Variants in AKT2 observed in about 807,000 individuals in gnomAD.
AKT2 encodes RAC-beta serine/threonine-protein kinase.
Under a neutral mutation model 58.6 loss-of-function variants are expected in AKT2, and 16 were observed. The observed-to-expected ratio is 0.27, with a 90% confidence interval of 0.18 to 0.41. The LOEUF (loss-of-function observed/expected upper bound fraction) is 0.41. AKT2 is among the 10% of genes least tolerant of loss of function. The pLI is 1.00. For missense variants in AKT2, 438 were observed against 661.0 expected, an observed-to-expected ratio of 0.66 and a Z score of 3.70; for synonymous variants, 253 against 254.0, an observed-to-expected ratio of 1.00 and a Z score of 0.04.
At chr19:40,243,980 G>A (rs1974575132) in intron 4 of AKT2, 1 of 151,596 alleles carries the variant, frequency 6.6e-6, no homozygotes, top group Admixed American at 6.6e-5. Flanking sequence ...GGAGGCGGAG[G>A]TTGCAGTGAG....
intron 1 of AKT2, chr19:40,269,680 AACAGACCAGG>A (rs1281922967): frequency 6.6e-6 from 1 of 152,240 alleles, no homozygotes; most frequent in African/African-American, 2.4e-5. Flanking sequence ...CCAAACTGGT[AACAGACCAGG>A]AGTCTACCCA....
Position 40,235,803 on chromosome 19 carries a change from C to T in AKT2, c.1175+87G>A. On this transcript the variant is annotated intron_variant, in intron 11 of 13. Transcript: ENST00000392038. This position sits in a 1 kb window ranked among gnomAD's most constrained non-coding sequence, Gnocchi z 6.3. ...GACACACTGCGACCCTACAAGCGAGCACCCTTGTGGACGCTGCCCCCTCCA... is the reference window on the plus strand; with the variant it reads ...GACACACTGCGACCCTACAAGCGAGTACCCTTGTGGACGCTGCCCCCTCCA... 7.3e-7 allele frequency: 1 copy of T among 1,367,966 alleles called. No homozygotes were observed. Among genetic ancestry groups the T allele is most frequent in the Non-Finnish European group, 9.9e-7 (1 of 1,010,208 alleles). The allele number at this position is 1,367,966 out of a possible 1,614,324, so 84.7% of individuals were successfully genotyped here.
intron 4 of AKT2, among the ~76,000 whole-genome samples, chr19:40,247,788 A>G (rs1974852492): frequency 6.6e-6 from 1 of 152,038 alleles, no homozygotes; most frequent in Admixed American, 6.5e-5. Context: ...ACTGCCATTC[A>G]CTTCATGCTA....
rs751522812 is a variant in AKT2 at position 40,238,048 on chromosome 19, C to T, written c.752G>A (p.Arg251Gln). The change falls in exon 9 of 14, where the codon CGG becomes CAG. Residue 251 changes from arginine (R) to glutamine (Q), a missense_variant. Arg to Gln is a conservative substitution (Grantham distance 43). Coordinates refer to ENST00000392038, the MANE Select transcript of AKT2 (RefSeq NM_001626.6). The surrounding 1 kb of genome is among the most constrained non-coding windows in gnomAD (Gnocchi z 5.1). Reference sequence around the variant, plus strand: ...AATCTCTGCACCATAAAACCGGGCCCGCTCCTCTGTGAAGACACGCTCCCG... The same window carrying T: ...AATCTCTGCACCATAAAACCGGGCCTGCTCCTCTGTGAAGACACGCTCCCG... ...LSRERVFTEE[R>Q]ARFYGAEIVS... 6.2e-6 allele frequency: 10 copies of T among 1,608,546 alleles called. No individual in the cohort carries two copies. Among genetic ancestry groups the T allele is most frequent in the Non-Finnish European group, 8.5e-6 (10 of 1,177,594 alleles).
intron 1 of AKT2, chr19:40,275,438 C>T: frequency 2.5e-6 from 1 of 400,628 alleles, no homozygotes; most frequent in Non-Finnish European, 5.1e-6. Flanking sequence ...TCACAAAGCA[C>T]CAGGCATGGA....
chr19:40,241,368 G>C (rs1974395365), intron 6 of AKT2: 1 of 176,578 alleles, frequency 5.7e-6, no homozygotes, highest in African/African-American at 2.4e-5. Flanking sequence ...GTATGGATGA[G>C]TGAAGTGACG....
In AKT2 at chr19:40,238,795, G is replaced by A; in HGVS notation, c.708+110C>T. 8.4e-7 allele frequency: 1 copy of A among 1,184,274 alleles called. No individual in the cohort carries two copies. The highest frequency in any genetic ancestry group is 1.3e-6 in the Non-Finnish European group (1 of 792,556). 73.4% of individuals were successfully genotyped at this position (1,184,274 alleles called of 1,614,324 possible). ...GCCTCAAGGGAGAGGGGCACTAGAT[G>A]ACACTGAAATTTCCCTCCACCCTTC... On this transcript the variant is annotated intron_variant, in intron 8 of 13. Transcript: ENST00000392038. This position sits in a 1 kb window ranked among gnomAD's most constrained non-coding sequence, Gnocchi z 5.1.
At chr19:40,263,062 C>A (rs571488297) in intron 2 of AKT2, among the ~76,000 whole-genome samples, 2 of 152,336 alleles carry the variant, frequency 1.3e-5, no homozygotes, top group East Asian at 3.9e-4. Context: ...CAGAGGCAGG[C>A]CTGTGGCTGG....
At chr19:40,266,096 C>A (rs1976331358) in intron 1 of AKT2, 1 of 152,564 alleles carries the variant, frequency 6.6e-6, no homozygotes, top group East Asian at 1.9e-4. Flanking sequence ...TCACTTCTGT[C>A]CTCAGGGACC....
intron 7 of AKT2, 85 bp from the exon 8 acceptor site, chr19:40,239,058 A>T: frequency 7.1e-7 from 1 of 1,406,186 alleles, no homozygotes; most frequent in East Asian, 2.3e-5. Context: ...GGCCCTGCTT[A>T]TTCTGCACAC....
chr19:40,236,141 C>A (rs1243963273), intron 10 of AKT2, 37 bp from the exon 11 acceptor site: 1 of 1,613,596 alleles, frequency 6.2e-7, no homozygotes, highest in South Asian at 1.1e-5. Context: ...GGGCCCGTGG[C>A]CCTGAGGCTG....
At chr19:40,265,571 G>T in intron 1 of AKT2, 1 of 573,016 alleles carries the variant, frequency 1.7e-6, no homozygotes, top group Non-Finnish European at 3.0e-6. Flanking sequence ...GAGCTCCCCG[G>T]CCTAAGCGCA....
rs868724745 is a variant in AKT2, at chr19:40,232,300, G to T, written c.*1572C>A. Reference sequence around the variant, plus strand: ...CCATCACCAAGGCAAAGCCCAGAGTGGTTGGGCTGGCGTGAGTGCAGGCTG... The same window carrying T: ...CCATCACCAAGGCAAAGCCCAGAGTTGTTGGGCTGGCGTGAGTGCAGGCTG... On this transcript the variant is annotated 3_prime_UTR_variant, in exon 14 of 14. Coordinates refer to ENST00000392038, the MANE Select transcript of AKT2 (RefSeq NM_001626.6). 1.3e-5 allele frequency: 3 copies of T among 233,896 alleles called. No homozygotes were observed. The highest frequency in any genetic ancestry group is 2.5e-3 in the Middle Eastern group (2 of 786). The allele number at this position is 233,896 out of a possible 1,614,324, so 14.5% of individuals were successfully genotyped here. A position where few individuals can be genotyped will look rare whatever the true frequency, so the allele number is the denominator to read the frequency against.
intron 4 of AKT2, among the ~76,000 whole-genome samples, chr19:40,251,230 AT>A (rs1975135054): frequency 6.6e-6 from 1 of 152,196 alleles, no homozygotes; most frequent in South Asian, 2.1e-4. Flanking sequence ...AATTTAAAAA[AT>A]TTTAATTAAA....
In AKT2 at chr19:40,238,244, AG is replaced by A. The variant is rs1226864964; in HGVS notation, c.709-154del. On this transcript the variant is annotated intron_variant, in intron 8 of 13. Coordinates refer to ENST00000392038, the MANE Select transcript of AKT2 (RefSeq NM_001626.6). This position sits in a 1 kb window ranked among gnomAD's most constrained non-coding sequence, Gnocchi z 5.1. ...AGAGGGACCAATCAAGGCAGAGCGC[AG>A]AAGCTCATAAGTGACACAGAGCTGG... Among the ~76,000 whole-genome samples the A allele has an allele frequency of 6.6e-6, 1 of 151,460 alleles. No homozygotes were observed. Among genetic ancestry groups the A allele is most frequent in the East Asian group, 1.9e-4 (1 of 5,200 alleles).
chr19:40,266,448 G>T (rs1460331821), intron 1 of AKT2: 1 of 152,356 alleles, frequency 6.6e-6, no homozygotes, highest in African/African-American at 2.4e-5. Flanking sequence ...AAGAAGGGAG[G>T]TAAGTGGTAG....
At chr19:40,275,532 GCA>G (rs751510329) in intron 1 of AKT2, 6 of 360,552 alleles carry the variant, frequency 1.7e-5, no homozygotes, top group Admixed American at 3.6e-5. Context: ...AGAGCCACAT[GCA>G]CACAGTCACA....
chr19:40,261,906 T>C (rs1319505813), intron 2 of AKT2, among the ~76,000 whole-genome samples: 36 of 53,850 alleles, frequency 6.7e-4, no homozygotes, highest in East Asian at 3.1e-3. Flanking sequence ...TTCATCCCCG[T>C]TTTTTTTTTT....
At chr19:40,284,850 C>T (rs988156975) in intron 1 of AKT2, 1 of 218,292 alleles carries the variant, frequency 4.6e-6, no homozygotes, top group Non-Finnish European at 9.0e-6. Context: ...CCCTCGATAG[C>T]TTAGCCCGCG....
Sources: allele counts gnomAD v4.1 joint callset (sites outside exome capture counted in the v4.1 genomes callset), GRCh38; gene constraint gnomAD v4.1.1; non-coding constraint Gnocchi (gnomAD v3.1); transcripts MANE v1.5; gene names NCBI Gene and HGNC (gene_info 2026-07-23, HGNC 2026-07-21).